PCDH9: variants seen among roughly 807,000 people sequenced by gnomAD.
PCDH9 encodes the protein protocadherin-9.
Under a neutral mutation model 70.6 loss-of-function variants are expected in PCDH9, and 24 were observed. The observed-to-expected ratio is 0.34, with a 90% CI of 0.25 to 0.48. The LOEUF is 0.48. Ranked by LOEUF, PCDH9 falls within the 20% of genes least tolerant of loss-of-function variation. The pLI is 0.99. For synonymous variants in PCDH9, 562 were observed against 558.5 expected (o/e 1.01, Z -0.09); for missense variants, 1,281 against 1,503.6 (o/e 0.85, Z 2.45).
At chr13:66,690,069 C>A (rs948274689) in intron 3 of PCDH9, among the ~76,000 whole-genome samples, 1 of 152,032 alleles carries the variant, frequency 6.6e-6, no homozygotes, top group Non-Finnish European at 1.5e-5. Context: ...AAGACATATG[C>A]CAGTAAAAGT....
chr13:67,114,595 A>G (rs2086723331), intron 2 of PCDH9, among the ~76,000 whole-genome samples: 1 of 152,190 alleles, frequency 6.6e-6, no homozygotes, highest in African/African-American at 2.4e-5. Flanking sequence ...AATATATTGC[A>G]TACTCTATAA....
At chr13:67,147,125 C>A (rs1297149549) in intron 2 of PCDH9, among the ~76,000 whole-genome samples, 2 of 152,098 alleles carry the variant, frequency 1.3e-5, no homozygotes, top group Non-Finnish European at 2.9e-5. Flanking sequence ...TTTTATTCTG[C>A]AAGTATTACA....
At chr13:66,661,643 A>C (rs779645625) in intron 3 of PCDH9, among the ~76,000 whole-genome samples, 1 of 152,228 alleles carries the variant, frequency 6.6e-6, no homozygotes, top group Non-Finnish European at 1.5e-5. Context: ...AAACTCACAC[A>C]ATTTTATCAG....
At chr13:66,750,948 A>T (rs549593956) in intron 3 of PCDH9, among the ~76,000 whole-genome samples, 6 of 152,190 alleles carry the variant, frequency 3.9e-5, no homozygotes, top group Non-Finnish European at 8.8e-5. Context: ...AGTACAGCAC[A>T]TTAATGAAGT....
intron 3 of PCDH9, among the ~76,000 whole-genome samples, chr13:66,827,743 C>T (rs2080850501): frequency 6.6e-6 from 1 of 152,072 alleles, no homozygotes; most frequent in South Asian, 2.1e-4. Flanking sequence ...CATATTTTGC[C>T]CACGATCAAC....
intron 2 of PCDH9, among the ~76,000 whole-genome samples, chr13:66,944,843 G>GTGTGTGTGTCTGTC (rs1555289282): frequency 6.6e-6 from 1 of 150,432 alleles, no homozygotes; most frequent in African/African-American, 2.5e-5. Flanking sequence ...GTGTGTGTGT[G>GTGTGTGTGTCTGTC]TGTGTGTGTG....
At chr13:66,806,933 GTCTC>G (rs773982471) in intron 3 of PCDH9, among the ~76,000 whole-genome samples, 6 of 152,102 alleles carry the variant, frequency 3.9e-5, no homozygotes, top group Non-Finnish European at 8.8e-5. Context: ...TTTTAATTCT[GTCTC>G]TCATCACACT....
At chr13:67,055,763 G>T (rs957026827) in intron 2 of PCDH9, among the ~76,000 whole-genome samples, 3 of 152,156 alleles carry the variant, frequency 2.0e-5, no homozygotes, top group Admixed American at 1.3e-4. Flanking sequence ...TCACATCACT[G>T]TATAGTCTGG....
intron 2 of PCDH9, among the ~76,000 whole-genome samples, chr13:67,079,075 C>G (rs1044681146): frequency 6.6e-6 from 1 of 151,572 alleles, no homozygotes; most frequent in Non-Finnish European, 1.5e-5. Context: ...TTTGGGAGGC[C>G]GAGGTGAGCG....
At chr13:66,702,023 A>G (rs1706411922) in intron 3 of PCDH9, among the ~76,000 whole-genome samples, 1 of 152,178 alleles carries the variant, frequency 6.6e-6, no homozygotes, top group Admixed American at 6.5e-5. Flanking sequence ...TTCGTCGGAA[A>G]GCTGAGCTGC....
chr13:66,851,202 C>T (rs949298717), intron 3 of PCDH9, among the ~76,000 whole-genome samples: 1 of 152,048 alleles, frequency 6.6e-6, no homozygotes. Context: ...GCAACAAAAG[C>T]GTTAGTATCT....
intron 2 of PCDH9, among the ~76,000 whole-genome samples, chr13:66,980,024 C>T (rs963816267): frequency 5.9e-5 from 9 of 151,916 alleles, no homozygotes; most frequent in Non-Finnish European, 8.8e-5. Context: ...ATATTTTATT[C>T]CCATTGTTTC....
At chr13:66,568,067 G>A (rs1352421206) in intron 4 of PCDH9, among the ~76,000 whole-genome samples, 1 of 152,138 alleles carries the variant, frequency 6.6e-6, no homozygotes, top group Non-Finnish European at 1.5e-5. Flanking sequence ...CTCTATGACT[G>A]TGGTTGGAGA....
At chr13:66,735,512 A>G (rs2079134531) in intron 3 of PCDH9, among the ~76,000 whole-genome samples, 2 of 152,306 alleles carry the variant, frequency 1.3e-5, no homozygotes, top group Non-Finnish European at 2.9e-5. Flanking sequence ...TAATAGAATC[A>G]TAAATCTTAA....
intron 3 of PCDH9, among the ~76,000 whole-genome samples, chr13:66,661,833 G>T (rs1288500998): frequency 2.0e-5 from 3 of 152,132 alleles, no homozygotes; most frequent in Non-Finnish European, 4.4e-5. Context: ...TAGTCAATTT[G>T]TATTTATAAT....
At chr13:66,908,880 C>T (rs1022237825) in intron 2 of PCDH9, among the ~76,000 whole-genome samples, 1 of 151,808 alleles carries the variant, frequency 6.6e-6, no homozygotes, top group Admixed American at 6.6e-5. Flanking sequence ...ATGAAAATGT[C>T]GTATGATAAA....
At chr13:66,577,431 TA>T (rs887193638) in intron 4 of PCDH9, among the ~76,000 whole-genome samples, 36 of 152,014 alleles carry the variant, frequency 2.4e-4, no homozygotes, top group Admixed American at 7.2e-4. Context: ...TTAATGACAT[TA>T]AAAAATAATA....
At chr13:66,988,044 G>T (rs911076107) in intron 2 of PCDH9, among the ~76,000 whole-genome samples, 7 of 151,798 alleles carry the variant, frequency 4.6e-5, no homozygotes, top group African/African-American at 1.5e-4. Flanking sequence ...GAACTAAAGT[G>T]TGTGGCACTA....
chr13:66,722,076 C>A (rs568853069), intron 3 of PCDH9, among the ~76,000 whole-genome samples: 125 of 152,304 alleles, frequency 8.2e-4, no homozygotes, highest in Non-Finnish European at 1.4e-3. Context: ...ACTTAATACC[C>A]TCCCTATCTT....
Sources: allele counts gnomAD v4.1 joint callset (sites outside exome capture counted in the v4.1 genomes callset), GRCh38; gene constraint gnomAD v4.1.1; transcripts MANE v1.5; gene names NCBI Gene and HGNC (gene_info 2026-07-23, HGNC 2026-07-21).